The following DSC1 variants were observed in gnomAD, a reference collection of about 807,000 sequenced individuals.
DSC1 encodes desmocollin 1.
DSC1 carries 79 observed loss-of-function variants against 98.8 expected under a neutral mutation model. The ratio of observed to expected loss-of-function variants is 0.80; its 90% CI spans 0.67 to 0.96. The LOEUF (loss-of-function observed/expected upper bound fraction) is 0.96, where lower values mean the gene tolerates loss of function less well. Ranked by LOEUF, DSC1 falls within the 50% of genes least tolerant of loss-of-function variation. DSC1 has a pLI of 0.00. For synonymous variants in DSC1, 405 were observed against 372.1 expected (o/e 1.09, Z -1.02); for missense variants, 1,115 against 1,075.9 (o/e 1.04, Z -0.51).
Position 31,140,282 on chromosome 18 carries a change from T to C in DSC1, c.1280A>G (p.Asn427Ser). 1 of 1,614,012 alleles carries C rather than the reference T, an allele frequency of 6.2e-7. No individual in the cohort carries two copies. The highest frequency in any genetic ancestry group is 2.2e-5 in the East Asian group (1 of 44,878). The change falls in exon 10 of 16, where the codon AAT (asparagine) becomes AGT (serine). Residue 427 changes from asparagine (N) to serine (S), a missense_variant. Asn to Ser is a conservative substitution (Grantham distance 46). Transcript: ENST00000257198. ...CVVKPLNYEV[N>S]RQVILQVGVI... ...ACCAACTTGCAAAATAACTTGGCGA[T>C]TGACTTCATAGTTCAATGGCTGTTA... is the stretch of plus-strand genomic sequence containing the variant.
intron 5 of DSC1, among the ~76,000 whole-genome samples, 157 bp from the exon 6 acceptor site, chr18:31,148,799 C>T (rs1479711369): frequency 6.6e-6 from 1 of 152,084 alleles, no homozygotes; most frequent in Admixed American, 6.5e-5. Context: ...CCCACAGATG[C>T]AGTCTCTGCC....
At chr18:31,148,474 T>C (rs377734928) in intron 6 of DSC1, 24 bp downstream of exon 6, 5 of 1,568,494 alleles carry the variant, frequency 3.2e-6, no homozygotes, top group African/African-American at 1.3e-5. Flanking sequence ...CTTCTTGTCA[T>C]GCTACAATAA....
At chr18:31,137,836 G>T (rs1988643930) in intron 11 of DSC1, among the ~76,000 whole-genome samples, 1 of 152,138 alleles carries the variant, frequency 6.6e-6, no homozygotes, top group Admixed American at 6.6e-5. Context: ...GTAAAACAAT[G>T]CTTTCTCGAC....
intron 5 of DSC1, among the ~76,000 whole-genome samples, chr18:31,150,015 C>CCAT (rs1286702391): frequency 7.4e-6 from 1 of 135,506 alleles, no homozygotes. Flanking sequence ...ACCACCACCA[C>CCAT]CATCATCATC....
chr18:31,143,156 A>G (rs1426606490), intron 8 of DSC1, among the ~76,000 whole-genome samples: 13 of 151,848 alleles, frequency 8.6e-5, no homozygotes, highest in Admixed American at 7.9e-4. Context: ...ATATATTTAT[A>G]TATATCTCTT....
At chr18:31,151,281 T>C (rs915795586) in intron 5 of DSC1, among the ~76,000 whole-genome samples, 2 of 152,204 alleles carry the variant, frequency 1.3e-5, no homozygotes, top group African/African-American at 4.8e-5. Context: ...GTGCTAATAA[T>C]GAACCAAGTA....
intron 5 of DSC1, among the ~76,000 whole-genome samples, chr18:31,151,846 T>C (rs1989005494): frequency 6.6e-6 from 1 of 152,064 alleles, no homozygotes; most frequent in Non-Finnish European, 1.5e-5. Context: ...TTAATCGACT[T>C]GTGTGCCCAG....
intron 8 of DSC1, among the ~76,000 whole-genome samples, chr18:31,142,594 T>A (rs1467273794): frequency 6.6e-6 from 1 of 152,202 alleles, no homozygotes; most frequent in Non-Finnish European, 1.5e-5. Context: ...TGGCTTCTTA[T>A]TTCTGGAGAA....
intron 8 of DSC1, 45 bp from the exon 9 acceptor site, chr18:31,142,229 A>G: frequency 6.4e-7 from 1 of 1,563,338 alleles, no homozygotes; most frequent in East Asian, 2.3e-5. Flanking sequence ...AACTTTGACA[A>G]TGTAGCTTTA....
At chr18:31,142,415 T>A (rs555100706) in intron 8 of DSC1, among the ~76,000 whole-genome samples, 1 of 152,270 alleles carries the variant, frequency 6.6e-6, no homozygotes, top group African/African-American at 2.4e-5. Context: ...CTTCTGAACT[T>A]CTCTGAGATA....
At position 31,162,690 on chromosome 18, in the gene DSC1, A is replaced by G. The variant is rs1419155229; in HGVS notation, c.-96T>C. 3.8e-6 allele frequency: 4 copies of G among 1,047,622 alleles called. No homozygotes were observed. The highest frequency in any genetic ancestry group is 5.9e-6 in the Non-Finnish European group (4 of 679,608). The allele number at this position is 1,047,622 out of a possible 1,614,324, so 64.9% of individuals were successfully genotyped here. On this transcript the variant is annotated 5_prime_UTR_variant, in exon 1 of 16. Transcript: ENST00000257198. The stretch of plus-strand genomic sequence containing the variant: ...GAAGACGCTGGCACTTGCACAGGGT[A>G]TTCTGCTGCCACCTTGATGCAGCTG...
chr18:31,152,941 C>T (rs776550530), intron 5 of DSC1, among the ~76,000 whole-genome samples: 1 of 151,660 alleles, frequency 6.6e-6, no homozygotes, highest in Non-Finnish European at 1.5e-5. Context: ...TACTAATTTG[C>T]AAGTGGTGTT....
At position 31,162,708 on chromosome 18, in the gene DSC1, T is replaced by C; in HGVS notation, c.-114A>G. ...ACAGGGTATTCTGCTGCCACCTTGATGCAGCTGAGCTTGGTTTGGAAGACA... is the reference window on the plus strand; with the variant it reads ...ACAGGGTATTCTGCTGCCACCTTGACGCAGCTGAGCTTGGTTTGGAAGACA... On this transcript the variant is annotated 5_prime_UTR_variant, in exon 1 of 16. Coordinates refer to ENST00000257198, the MANE Select transcript of DSC1 (RefSeq NM_024421.2). 2.3e-6 allele frequency: 2 copies of C among 863,104 alleles called. No homozygotes were observed. Among genetic ancestry groups the C allele is most frequent in the East Asian group, 2.5e-5 (1 of 39,598 alleles). 53.5% of individuals were successfully genotyped at this position (863,104 alleles called of 1,614,324 possible).
At chr18:31,152,641 G>C (rs1989023763) in intron 5 of DSC1, among the ~76,000 whole-genome samples, 1 of 152,076 alleles carries the variant, frequency 6.6e-6, no homozygotes. Flanking sequence ...CACTACTGAG[G>C]TTGGGAACAC....
At chr18:31,135,193 A>G (rs904749370) in intron 11 of DSC1, among the ~76,000 whole-genome samples, 8 of 152,034 alleles carry the variant, frequency 5.3e-5, no homozygotes, top group African/African-American at 1.9e-4. Context: ...AACCTTGAAA[A>G]CTTCTCTAGA....
intron 4 of DSC1, 46 bp downstream of exon 4, chr18:31,155,997 C>CA (rs749558244): frequency 8.2e-5 from 129 of 1,575,396 alleles, no homozygotes; most frequent in Middle Eastern, 3.4e-4. Context: ...AGTTTAAGAA[C>CA]AAAAAAAAAT....
chr18:31,132,805 A>T (rs1988525466), intron 13 of DSC1, 116 bp from the exon 14 acceptor site: 1 of 908,970 alleles, frequency 1.1e-6, no homozygotes, highest in Non-Finnish European at 1.6e-6. Flanking sequence ...TGAGCTCTTC[A>T]GGTCACAAGA....
rs771978629 is a variant in DSC1 at position 31,154,794 on chromosome 18, C to T, written c.607G>A (p.Glu203Lys). The T allele has an allele frequency of 4.3e-6, 7 of 1,611,920 alleles. No individual in the cohort carries two copies. The highest frequency in any genetic ancestry group is 5.9e-6 in the Non-Finnish European group (7 of 1,179,118). ...CCTACCGCAAACTGTTCATATTTCTCACGGTCAATGCTCCTTGTACAAAAG... is the reference window on the plus strand; with the variant it reads ...CCTACCGCAAACTGTTCATATTTCTTACGGTCAATGCTCCTTGTACAAAAG... ...DIFCTRSIDR[E>K]KYEQFALYGY... The change falls in exon 5 of 16, where the codon GAG becomes AAG. Residue 203 changes from glutamate (E) to lysine (K), a missense_variant. By Grantham distance (56) the Glu-to-Lys change is moderately conservative. Coordinates refer to ENST00000257198, the MANE Select transcript of DSC1 (RefSeq NM_024421.2).
chr18:31,130,600 C>G lies in DSC1; in HGVS notation c.2599G>C (p.Asp867His), dbSNP rs768355358. The G allele has an allele frequency of 6.2e-7, 1 of 1,614,156 alleles. No individual in the cohort carries two copies. Among genetic ancestry groups the G allele is most frequent in the Non-Finnish European group, 8.5e-7 (1 of 1,180,028 alleles). Residue 867 changes from aspartate (D) to histidine (H), a missense_variant, in exon 16 of 16, where the codon GAT (aspartate) becomes CAT (histidine). Transcript: ENST00000257198. The stretch of plus-strand genomic sequence containing the variant: ...TCCAGTCCCTCTTCTTCCTGCCGAT[C>G]GCTGCAGCAACCTACTGAGCCGGCC... ...SLAGSVGCCS[D>H]RQEEEGLEFL... is the part of the protein sequence containing the mutation.
Sources: allele counts gnomAD v4.1 joint callset (sites outside exome capture counted in the v4.1 genomes callset), GRCh38; gene constraint gnomAD v4.1.1; transcripts MANE v1.5; gene names NCBI Gene and HGNC (gene_info 2026-07-23, HGNC 2026-07-21).